The following AUTS2 variants were observed in gnomAD, a reference collection of about 807,000 sequenced individuals.
AUTS2 encodes activator of transcription and developmental regulator AUTS2.
In AUTS2, 17 loss-of-function variants were observed where a neutral mutation model predicts 112.4. That is an observed-to-expected ratio of 0.15 (90% confidence interval 0.10 to 0.23). The LOEUF (loss-of-function observed/expected upper bound fraction) is 0.23. Ranked by LOEUF, AUTS2 falls within the 10% of genes least tolerant of loss-of-function variation. The probability of loss-of-function intolerance (pLI) is 1.00; values close to 1 mark genes in which losing one functional copy is unlikely to be tolerated. For synonymous variants in AUTS2, 751 were observed against 702.7 expected, an observed-to-expected ratio of 1.07 and a Z score of -1.09; for missense variants, 1,510 against 1,701.6, an observed-to-expected ratio of 0.89 and a Z score of 1.98.
chr7:70,235,054 T>C (rs1005295428), intron 4 of AUTS2, among the ~76,000 whole-genome samples: 1 of 152,224 alleles, frequency 6.6e-6, no homozygotes, highest in Non-Finnish European at 1.5e-5. Flanking sequence ...CCATGTATTA[T>C]AACGGTTTAA....
intron 5 of AUTS2, chr7:70,596,850 T>A (rs1803237908): frequency 6.6e-6 from 1 of 152,148 alleles, no homozygotes; most frequent in Non-Finnish European, 1.5e-5. Context: ...TATAATTTCA[T>A]GGCAGAATTT....
At chr7:70,774,424 T>G in intron 12 of AUTS2, 1 of 273,322 alleles carries the variant, frequency 3.7e-6, no homozygotes, top group Non-Finnish European at 6.9e-6. Flanking sequence ...TAAATTGTCT[T>G]ACACAAATGA....
intron 1 of AUTS2, among the ~76,000 whole-genome samples, chr7:69,642,254 A>G (rs1794829148): frequency 6.6e-6 from 1 of 152,188 alleles, no homozygotes; most frequent in Non-Finnish European, 1.5e-5. Flanking sequence ...GGAACTCTCA[A>G]AAGGCTGCAG....
intron 4 of AUTS2, among the ~76,000 whole-genome samples, chr7:70,252,161 T>G (rs765032762): frequency 3.3e-5 from 5 of 152,208 alleles, no homozygotes; most frequent in Non-Finnish European, 7.4e-5. Flanking sequence ...GTAAGACTAC[T>G]GGATGATAAT....
intron 5 of AUTS2, among the ~76,000 whole-genome samples, chr7:70,615,565 C>G (rs1009010571): frequency 6.7e-6 from 1 of 148,480 alleles, no homozygotes; most frequent in African/African-American, 2.5e-5. Context: ...AGATTTATGG[C>G]TTGTTGTTGT....
At chr7:69,692,183 G>A (rs555962401) in intron 1 of AUTS2, among the ~76,000 whole-genome samples, 1 of 152,338 alleles carries the variant, frequency 6.6e-6, no homozygotes, top group South Asian at 2.1e-4. Flanking sequence ...GGCATTCCAA[G>A]TGCCATTCCA....
At chr7:69,954,506 T>C (rs1797143419) in intron 2 of AUTS2, among the ~76,000 whole-genome samples, 1 of 152,192 alleles carries the variant, frequency 6.6e-6, no homozygotes, top group Admixed American at 6.5e-5. Flanking sequence ...TGCAGTGGCA[T>C]GATCATAGCT....
chr7:69,921,018 G>A (rs992451762), intron 2 of AUTS2, among the ~76,000 whole-genome samples: 4 of 152,064 alleles, frequency 2.6e-5, no homozygotes, highest in Non-Finnish European at 5.9e-5. Context: ...TTCTTGGGAG[G>A]GTTTCCTTAC....
intron 16 of AUTS2, chr7:70,785,311 G>A (rs878922871): frequency 1.7e-5 from 10 of 597,774 alleles, no homozygotes; most frequent in Admixed American, 2.2e-5. Context: ...CAGGGAATCC[G>A]AGTTTACAAC....
chr7:69,845,487 A>G (rs1016308476), intron 1 of AUTS2, among the ~76,000 whole-genome samples: 2 of 152,184 alleles, frequency 1.3e-5, no homozygotes, highest in South Asian at 2.1e-4. Context: ...TGTCTGCCAC[A>G]GTGATGCTCT....
chr7:70,644,329 A>G (rs914500166), intron 5 of AUTS2, among the ~76,000 whole-genome samples: 1 of 152,122 alleles, frequency 6.6e-6, no homozygotes, highest in Non-Finnish European at 1.5e-5. Context: ...AAGACTTGCT[A>G]TTTAGGAAAA....
At chr7:70,446,030 A>G (rs948580223) in intron 5 of AUTS2, among the ~76,000 whole-genome samples, 1 of 152,030 alleles carries the variant, frequency 6.6e-6, no homozygotes, top group African/African-American at 2.4e-5. Context: ...ACGACCCCAC[A>G]CAGGAGAAGG....
intron 5 of AUTS2, among the ~76,000 whole-genome samples, chr7:70,649,888 C>T (rs1806402790): frequency 1.3e-5 from 2 of 152,172 alleles, no homozygotes; most frequent in South Asian, 4.1e-4. Flanking sequence ...TGTAGCTTAA[C>T]AATGGGCCTC....
intron 4 of AUTS2, among the ~76,000 whole-genome samples, chr7:70,222,862 A>G (rs1811557017): frequency 6.6e-6 from 1 of 151,204 alleles, no homozygotes; most frequent in Non-Finnish European, 1.5e-5. Context: ...CTGCTTTATG[A>G]TAATATTTCT....
intron 1 of AUTS2, among the ~76,000 whole-genome samples, chr7:69,737,013 A>C (rs1787057951): frequency 6.6e-6 from 1 of 152,156 alleles, no homozygotes; most frequent in Admixed American, 6.5e-5. Flanking sequence ...AACACCTGGC[A>C]GTGTCAGGCC....
At chr7:70,224,410 C>T (rs62455160) in intron 4 of AUTS2, among the ~76,000 whole-genome samples, 1 of 140,890 alleles carries the variant, frequency 7.1e-6, no homozygotes, top group South Asian at 2.4e-4. Flanking sequence ...AATATAATAC[C>T]ATACAATACA....
chr7:70,649,695 A>AT (rs1358036752), intron 5 of AUTS2, among the ~76,000 whole-genome samples: 2 of 151,754 alleles, frequency 1.3e-5, no homozygotes, highest in Non-Finnish European at 2.9e-5. Flanking sequence ...TGCCCAGCTA[A>AT]TTTTTTGTAT....
At chr7:70,404,482 G>C (rs1794450819) in intron 4 of AUTS2, among the ~76,000 whole-genome samples, 1 of 152,262 alleles carries the variant, frequency 6.6e-6, no homozygotes, top group African/African-American at 2.4e-5. Context: ...GGTTTTCAGG[G>C]ATAATTAGTG....
chr7:69,814,454 G>A (rs535157145), intron 1 of AUTS2, among the ~76,000 whole-genome samples: 2 of 152,298 alleles, frequency 1.3e-5, no homozygotes, highest in Non-Finnish European at 2.9e-5. Flanking sequence ...GTCTGTGGCC[G>A]GCAGGGTGTC....
Sources: gnomAD v4.1 joint callset for allele counts (sites outside exome capture counted in the v4.1 genomes callset) on GRCh38, gnomAD v4.1.1 for gene constraint, MANE v1.5 for transcripts, NCBI Gene and HGNC (gene_info 2026-07-23, HGNC 2026-07-21) for gene names.